KLF16: variants seen among roughly 807,000 people sequenced by gnomAD.
KLF16 encodes the protein Krueppel-like factor 16.
KLF16 carries 6 observed loss-of-function variants against 6.1 expected under a neutral mutation model. The ratio of observed to expected loss-of-function variants is 0.98; its 90% CI spans 0.54 to 1.93. The LOEUF is 1.93. KLF16 is among the 30% of genes most tolerant of loss of function. The pLI is 0.01. For synonymous variants in KLF16, 211 were observed against 176.5 expected, an observed-to-expected ratio of 1.20 and a Z score of -1.55; for missense variants, 355 against 363.8, an observed-to-expected ratio of 0.98 and a Z score of 0.20.
the KLF16 span, among the ~76,000 whole-genome samples, chr19:1,873,919 G>C: frequency 1.3e-5 from 2 of 152,246 alleles, no homozygotes; most frequent in African/African-American, 4.8e-5. Flanking sequence ...GAGCCCTGCC[G>C]AAGCCTCGGT....
chr19:1,873,326 T>C, the KLF16 span, among the ~76,000 whole-genome samples: 1 of 152,152 alleles, frequency 6.6e-6, no homozygotes, highest in Non-Finnish European at 1.5e-5. Context: ...TGCACAGCCC[T>C]GGGCACCGCC....
At chr19:1,870,762 G>C in the KLF16 span, among the ~76,000 whole-genome samples, 2 of 152,254 alleles carry the variant, frequency 1.3e-5, no homozygotes, top group East Asian at 3.9e-4. Flanking sequence ...TTGGGAGGCA[G>C]AGGCGGGCAG....
In KLF16 at chr19:1,857,131, G is replaced by C. The variant is rs1179949493; in HGVS notation, c.458-2371C>G. Among the ~76,000 whole-genome samples the C allele has an allele frequency of 6.6e-6, 1 of 152,152 alleles. No individual in the cohort carries two copies. Among genetic ancestry groups the C allele is most frequent in the Non-Finnish European group, 1.5e-5 (1 of 68,016 alleles). ...GCCTCTCCGGCCTGGGTGCCTGCCA[G>C]CCCCGCCCCGCGCTTGGAGACTGAG... is the stretch of plus-strand genomic sequence containing the variant. On this transcript the variant is annotated intron_variant, in intron 1 of 1. Transcript: ENST00000250916. This position sits in a 1 kb window ranked among gnomAD's most constrained non-coding sequence, Gnocchi z 4.7.
At chr19:1,865,480 T>A (rs2012173383), upstream of KLF16, among the ~76,000 whole-genome samples, 1 of 152,238 alleles carries the variant, frequency 6.6e-6, no homozygotes, top group African/African-American at 2.4e-5. Flanking sequence ...TGATGTTTCC[T>A]GGGCTTAGAG....
Position 1,853,071 on chromosome 19 carries a change from G to A in KLF16, c.*1388C>T, listed in dbSNP as rs1270024709. The A allele has an allele frequency of 6.6e-6, 1 of 152,118 alleles. No homozygotes were observed. Among genetic ancestry groups the A allele is most frequent in the African/African-American group, 2.4e-5 (1 of 41,374 alleles). The allele number at this position is 152,118 out of a possible 1,614,324, so 9.4% of individuals were successfully genotyped here. A position where few individuals can be genotyped will look rare whatever the true frequency, so the allele number is the denominator to read the frequency against. On this transcript the variant is annotated 3_prime_UTR_variant, in exon 2 of 2. Transcript: ENST00000250916. ...GGAACCGGGGACCCTTCTCATTCCA[G>A]GCTGGGGGTCCTCAATACCCCCCCC...
the KLF16 span, among the ~76,000 whole-genome samples, chr19:1,870,444 G>A: frequency 1.3e-5 from 2 of 152,106 alleles, no homozygotes; most frequent in African/African-American, 2.4e-5. Flanking sequence ...GGCCAAGGCG[G>A]GAGAATCGCT....
chr19:1,875,134 G>A, the KLF16 span: 1 of 152,268 alleles, frequency 6.6e-6, no homozygotes, highest in East Asian at 1.9e-4. Context: ...ACCCCTTTAG[G>A]GGCCTAAATA....
upstream of KLF16, among the ~76,000 whole-genome samples, chr19:1,867,976 A>G (rs1358692455): frequency 6.6e-6 from 1 of 150,736 alleles, no homozygotes; most frequent in East Asian, 2.0e-4. Flanking sequence ...GCGCGCATGC[A>G]CTGGAACTGC....
chr19:1,867,318 C>T (rs150413999), upstream of KLF16, among the ~76,000 whole-genome samples: 125 of 152,314 alleles, frequency 8.2e-4, no homozygotes, highest in Non-Finnish European at 1.2e-3. Context: ...GCCTGTAACC[C>T]CAACACTTTA....
upstream of KLF16, among the ~76,000 whole-genome samples, chr19:1,868,153 T>G (rs2012217326): frequency 6.6e-6 from 1 of 152,180 alleles, no homozygotes; most frequent in African/African-American, 2.4e-5. Flanking sequence ...CCTTTCATTT[T>G]TAGGCTTTTC....
At chr19:1,854,951 G>A (rs1025841826) in intron 1 of KLF16, among the ~76,000 whole-genome samples, 191 bp from the exon 2 acceptor site, 5 of 152,228 alleles carry the variant, frequency 3.3e-5, no homozygotes, top group East Asian at 1.9e-4. Context: ...GGCCCAACAC[G>A]AGACCCTAAT....
upstream of KLF16, among the ~76,000 whole-genome samples, chr19:1,865,845 C>T (rs557578213): frequency 1.1e-4 from 16 of 152,360 alleles, no homozygotes; most frequent in East Asian, 1.9e-3. Flanking sequence ...AGGGCTCTGT[C>T]CTCTCTTCCT....
At chr19:1,874,746 CAAAAAAAAAAAA>C in the KLF16 span, 34 of 41,996 alleles carry the variant, frequency 8.1e-4, no homozygotes, top group East Asian at 9.0e-3. Context: ...GTCAGAGTCC[CAAAAAAAAAAAA>C]AAAAAAAAAA....
At chr19:1,858,768 C>T (rs1321986889) in intron 1 of KLF16, among the ~76,000 whole-genome samples, 1 of 152,130 alleles carries the variant, frequency 6.6e-6, no homozygotes, top group Non-Finnish European at 1.5e-5. Flanking sequence ...ACTCTGGGTA[C>T]CTGGGGGTCG....
intron 1 of KLF16, among the ~76,000 whole-genome samples, chr19:1,856,365 T>G (rs1400056371): frequency 1.3e-5 from 2 of 151,996 alleles, no homozygotes; most frequent in African/African-American, 4.8e-5. Context: ...CCTTCCCTTC[T>G]CATCTCATCC....
intron 1 of KLF16, 144 bp from the exon 2 acceptor site, chr19:1,854,904 G>A (rs2011916947): frequency 1.2e-6 from 1 of 837,560 alleles, no homozygotes; most frequent in Non-Finnish European, 1.8e-6. Flanking sequence ...AAAACATGGA[G>A]AAGCACAAAG....
At position 1,863,435 on chromosome 19, in the gene KLF16, C is replaced by G. The variant is rs915547956; in HGVS notation, c.63G>C (p.Ser21=). The G allele has an allele frequency of 1.2e-4, 121 of 1,045,382 alleles. No individual in the cohort carries two copies. Among genetic ancestry groups the G allele is most frequent in the Admixed American group, 3.7e-4 (7 of 18,952 alleles). The allele number at this position is 1,045,382 out of a possible 1,614,324, so 64.8% of individuals were successfully genotyped here. A position where few individuals can be genotyped will look rare whatever the true frequency, so the allele number is the denominator to read the frequency against. Residue 21 remains serine (S), a synonymous_variant, in exon 1 of 2, where the codon TCG becomes TCC. Coordinates refer to ENST00000250916, the MANE Select transcript of KLF16 (RefSeq NM_031918.4). ...FAADVLMAIS[S]GAVVHRGRPG... is the part of the protein sequence containing the mutation. Reference sequence around the variant, plus strand: ...GCCGCCCGCGGTGCACCACGGCGCCCGAAGAGATGGCCATGAGCACGTCGG... The same window carrying G: ...GCCGCCCGCGGTGCACCACGGCGCCGGAAGAGATGGCCATGAGCACGTCGG...
the KLF16 span, among the ~76,000 whole-genome samples, chr19:1,868,879 G>GT: frequency 6.6e-6 from 1 of 152,020 alleles, no homozygotes; most frequent in African/African-American, 2.4e-5. Context: ...CTGACCTCAG[G>GT]TGATCCACCC....
the KLF16 span, among the ~76,000 whole-genome samples, chr19:1,871,381 C>T: frequency 7.2e-5 from 11 of 152,264 alleles, no homozygotes; most frequent in African/African-American, 1.4e-4. Context: ...CTGCAGAGGA[C>T]GCACTCAGCG....
Sources: allele counts gnomAD v4.1 joint callset (sites outside exome capture counted in the v4.1 genomes callset), GRCh38; gene constraint gnomAD v4.1.1; non-coding constraint Gnocchi (gnomAD v3.1); transcripts MANE v1.5; gene names NCBI Gene and HGNC (gene_info 2026-07-23, HGNC 2026-07-21).